SLC11A2: variants seen among roughly 807,000 people sequenced by gnomAD.
SLC11A2 encodes natural resistance-associated macrophage protein 2.
SLC11A2 carries 38 observed loss-of-function variants against 68.0 expected under a neutral mutation model. The observed-to-expected ratio is 0.56, with a 90% CI of 0.43 to 0.73. The LOEUF (loss-of-function observed/expected upper bound fraction) is 0.73. Among genes scored for constraint, SLC11A2 ranks in the 30% least tolerant of loss-of-function variants. The probability of loss-of-function intolerance (pLI) is 0.00; values close to 1 mark genes in which losing one functional copy is unlikely to be tolerated. For synonymous variants in SLC11A2, 242 were observed against 250.6 expected, an observed-to-expected ratio of 0.97 and a Z score of 0.32; for missense variants, 517 against 690.5, an observed-to-expected ratio of 0.75 and a Z score of 2.82.
chr12:50,995,818 G>A (rs1374037374), intron 9 of SLC11A2, 31 bp from the exon 10 acceptor site: 1 of 1,608,626 alleles, frequency 6.2e-7, no homozygotes, highest in African/African-American at 1.3e-5. Context: ...GTCACTTTTT[G>A]ACCAGTTAGA....
chr12:51,015,841 G>GA (rs200147846), intron 1 of SLC11A2, among the ~76,000 whole-genome samples: 2,446 of 152,020 alleles, frequency 0.016, 63 homozygotes, highest in African/African-American at 0.056. Flanking sequence ...GCAATTGACA[G>GA]AAAAAAAATG....
Position 50,987,069 on chromosome 12 carries a change from T to C in SLC11A2, c.*1256A>G, listed in dbSNP as rs887921862. 2 of 1,286,502 alleles carry C rather than the reference T, an allele frequency of 1.6e-6. No individual in the cohort carries two copies. Among genetic ancestry groups the C allele is most frequent in the African/African-American group, 3.0e-5 (2 of 65,904 alleles). The allele number at this position is 1,286,502 out of a possible 1,614,324, so 79.7% of individuals were successfully genotyped here. A position where few individuals can be genotyped will look rare whatever the true frequency, so the allele number is the denominator to read the frequency against. The stretch of plus-strand genomic sequence containing the variant: ...TAATCACACAATCTCAGGCTCGGTA[T>C]GTAAAAATGTCAGAAGTGGCTGAAG... On this transcript the variant is annotated 3_prime_UTR_variant, in exon 16 of 16. Coordinates refer to ENST00000262052, the MANE Select transcript of SLC11A2 (RefSeq NM_000617.3).
intron 1 of SLC11A2, among the ~76,000 whole-genome samples, chr12:51,012,754 A>G (rs1943335468): frequency 6.6e-6 from 1 of 152,168 alleles, no homozygotes; most frequent in Non-Finnish European, 1.5e-5. Context: ...AGAGTCACCA[A>G]TGCCAAGTAT....
chr12:50,960,965 C>T, the SLC11A2 span: 15 of 1,565,630 alleles, frequency 9.6e-6, no homozygotes, highest in Non-Finnish European at 1.3e-5. Context: ...TTAAAATTCA[C>T]AGGTATAGCA....
At chr12:50,974,246 C>T in the SLC11A2 span, among the ~76,000 whole-genome samples, 4 of 152,146 alleles carry the variant, frequency 2.6e-5, no homozygotes, top group East Asian at 1.9e-4. Flanking sequence ...AGAGAAAGGT[C>T]GGGTTACCCA....
Position 51,005,377 on chromosome 12 carries a change from G to A in SLC11A2, c.243C>T (p.Ser81=), listed in dbSNP as rs1942633550. ...WAFTGPGFLM[S]IAYLDPGNIE... ...TATTTCCTGGATCCAGGTAGGCAATGCTCATAAGAAAACCTGGTCCGGTGA... is the reference window on the plus strand; with the variant it reads ...TATTTCCTGGATCCAGGTAGGCAATACTCATAAGAAAACCTGGTCCGGTGA... The change falls in exon 4 of 16, where the codon AGC becomes AGT. Residue 81 remains serine (S), a synonymous_variant. Transcript: ENST00000262052. 6.2e-7 allele frequency: 1 copy of A among 1,613,890 alleles called. No individual in the cohort carries two copies. The highest frequency in any genetic ancestry group is 8.5e-7 in the Non-Finnish European group (1 of 1,179,846).
Position 51,008,608 on chromosome 12 carries a change from A to G in SLC11A2, c.51T>C (p.Asp17=). Residue 17 remains aspartate (D), a synonymous_variant, in exon 3 of 16, where the codon GAT becomes GAC. Transcript: ENST00000262052. The stretch of plus-strand genomic sequence containing the variant: ...TACCAAGACTGGCAGACTCCCCATG[A>G]TCTCCAGAAACACTGTCTGAATTAA... The part of the protein sequence containing the change: ...QKMSDDSVSG[D]HGESASLGNI... 1 of 1,612,816 alleles carries G rather than the reference A, an allele frequency of 6.2e-7. No individual in the cohort carries two copies. Among genetic ancestry groups the G allele is most frequent in the Non-Finnish European group, 8.5e-7 (1 of 1,178,870 alleles).
At chr12:50,997,549 CGGTGTGGTGGTGCATACCTATAGTACTA>C (rs1941814687) in intron 8 of SLC11A2, among the ~76,000 whole-genome samples, 1 of 151,532 alleles carries the variant, frequency 6.6e-6, no homozygotes, top group Non-Finnish European at 1.5e-5. Context: ...AAAATTACCT[CGGTGTGGTGGTGCATACCTATAGTACTA>C]GCTACTAGGG....
rs769754315 is a variant in SLC11A2 at position 51,004,680 on chromosome 12, C to T, written c.429+108G>A. 8.4e-4 allele frequency: 1,051 copies of T among 1,245,736 alleles called. 8 individuals are homozygous for T. Among genetic ancestry groups the T allele is most frequent in the Middle Eastern group, 4.5e-3 (18 of 4,036 alleles). The allele number at this position is 1,245,736 out of a possible 1,614,324, so 77.2% of individuals were successfully genotyped here. ...TACCGTCTGTCTTCAGGGCCACTGA[C>T]CCCCAAGTCCTTGACTGTCTCACTA... On this transcript the variant is annotated intron_variant, in intron 5 of 15. Transcript: ENST00000262052.
intron 15 of SLC11A2, among the ~76,000 whole-genome samples, chr12:50,990,108 T>C (rs1866284895): frequency 6.6e-6 from 1 of 152,250 alleles, no homozygotes. Flanking sequence ...TTTTTTATAA[T>C]TGAAATATAA....
downstream of SLC11A2, among the ~76,000 whole-genome samples, chr12:50,985,572 C>CT (rs1350613969): frequency 6.6e-6 from 1 of 152,160 alleles, no homozygotes; most frequent in Non-Finnish European, 1.5e-5. Context: ...GCTCCTTGGT[C>CT]TTTAAGCTAA....
At chr12:50,983,669 C>T (rs1940272176), downstream of SLC11A2, among the ~76,000 whole-genome samples, 1 of 152,228 alleles carries the variant, frequency 6.6e-6, no homozygotes, top group East Asian at 1.9e-4. Flanking sequence ...AAAACCCTGG[C>T]TTTACTGAAA....
At chr12:50,990,026 A>C (rs1370625377) in intron 15 of SLC11A2, among the ~76,000 whole-genome samples, 1 of 151,848 alleles carries the variant, frequency 6.6e-6, no homozygotes, top group East Asian at 2.0e-4. Context: ...ATAGAGAAGA[A>C]TATATCTATA....
the SLC11A2 span, among the ~76,000 whole-genome samples, chr12:50,958,940 C>T: frequency 1.3e-5 from 2 of 151,286 alleles, no homozygotes; most frequent in African/African-American, 4.8e-5. Context: ...TCACTTAAAC[C>T]CGGGAGGCAG....
At chr12:51,009,143 C>A in intron 2 of SLC11A2, 1 of 1,515,790 alleles carries the variant, frequency 6.6e-7, no homozygotes, top group Non-Finnish European at 8.8e-7. Flanking sequence ...GGACATTATA[C>A]CTCCATCAGA....
Position 50,994,620 on chromosome 12 carries a change from C to A in SLC11A2, c.1001G>T (p.Cys334Phe). The A allele has an allele frequency of 3.1e-6, 5 of 1,610,392 alleles. No homozygotes were observed. Among genetic ancestry groups the A allele is most frequent in the Non-Finnish European group, 4.2e-6 (5 of 1,176,598 alleles). Residue 334 changes from cysteine to phenylalanine, a missense_variant, in exon 11 of 16, where the codon TGT becomes TTT. Transcript: ENST00000262052. ...AGCATGAGGACTGCTGGTATTTGTA[C>A]AGACTTCAACCTAGAACCCAAAGCA... The part of the protein sequence containing the change: ...GKTNEQVVEV[C>F]TNTSSPHAGL...
intron 15 of SLC11A2, among the ~76,000 whole-genome samples, chr12:50,989,077 A>G (rs1187236862): frequency 2.6e-5 from 4 of 152,088 alleles, no homozygotes; most frequent in African/African-American, 9.7e-5. Flanking sequence ...AGTCCTCCCC[A>G]TGATAAGAAT....
upstream of SLC11A2, chr12:51,026,418 C>G: frequency 1.7e-6 from 2 of 1,193,756 alleles, no homozygotes; most frequent in Non-Finnish European, 2.2e-6. Flanking sequence ...GATTGGTCGA[C>G]AGGACGGCAG....
At chr12:50,975,560 C>T (rs1302076682), downstream of SLC11A2, among the ~76,000 whole-genome samples, 2 of 151,998 alleles carry the variant, frequency 1.3e-5, no homozygotes, top group South Asian at 2.1e-4. Context: ...AATTGACACC[C>T]TAACATCACA....
Sources: allele counts gnomAD v4.1 joint callset (sites outside exome capture counted in the v4.1 genomes callset), GRCh38; gene constraint gnomAD v4.1.1; transcripts MANE v1.5; gene names NCBI Gene and HGNC (gene_info 2026-07-23, HGNC 2026-07-21).